Variants in TANGO2 observed in about 807,000 individuals in gnomAD.
The protein encoded by TANGO2 is transport and Golgi organization protein 2 homolog.
A neutral mutation model predicts 39.1 loss-of-function variants in TANGO2; 26 were observed. The ratio of observed to expected loss-of-function variants is 0.67; its 90% CI spans 0.49 to 0.92. The LOEUF is 0.92. TANGO2 is among the 40% of genes least tolerant of loss of function. The pLI, the probability that TANGO2 is intolerant of heterozygous loss-of-function variation, is 0.00. For missense variants in TANGO2, 326 were observed against 360.1 expected (o/e 0.91, Z 0.77); for synonymous variants, 131 against 144.5 (o/e 0.91, Z 0.67).
intron 1 of TANGO2, among the ~76,000 whole-genome samples, chr22:20,034,610 T>TA (rs2042500262): frequency 6.6e-6 from 1 of 152,126 alleles, no homozygotes; most frequent in Non-Finnish European, 1.5e-5. Context: ...TCCCTTCACT[T>TA]ATGTGCAATG....
chr22:20,023,663 G>A, intron 1 of TANGO2, among the ~76,000 whole-genome samples: 1 of 150,486 alleles, frequency 6.6e-6, no homozygotes, highest in East Asian at 2.0e-4. Context: ...GACCATCCTG[G>A]CTAACACGGT....
At chr22:20,025,799 G>A (rs771023005) in intron 1 of TANGO2, among the ~76,000 whole-genome samples, 1 of 152,328 alleles carries the variant, frequency 6.6e-6, no homozygotes, top group East Asian at 1.9e-4. Context: ...TGGTGAGCAG[G>A]AGTTGGGGCA....
At chr22:20,041,294 C>T (rs1396673665) in intron 2 of TANGO2, among the ~76,000 whole-genome samples, 1 of 151,600 alleles carries the variant, frequency 6.6e-6, no homozygotes, top group Non-Finnish European at 1.5e-5. Flanking sequence ...TACAGGCGCC[C>T]GCCACCACAC....
intron 2 of TANGO2, among the ~76,000 whole-genome samples, chr22:20,041,295 G>A (rs1002306368): frequency 2.6e-5 from 4 of 151,078 alleles, no homozygotes; most frequent in South Asian, 2.1e-4. Context: ...ACAGGCGCCC[G>A]CCACCACACC....
intron 6 of TANGO2, chr22:20,056,491 G>A (rs991727664): frequency 8.7e-6 from 4 of 457,368 alleles, no homozygotes; most frequent in Non-Finnish European, 1.8e-5. Flanking sequence ...AGGGCCTCGA[G>A]CCCCTCTGCG....
intron 5 of TANGO2, 63 bp from the exon 6 acceptor site, chr22:20,055,880 C>A: frequency 7.2e-7 from 1 of 1,395,378 alleles, no homozygotes; most frequent in Non-Finnish European, 1.0e-6. Flanking sequence ...GTGAGATCAC[C>A]GGGCAGTGTC....
In TANGO2 at chr22:20,052,373, G is replaced by T. The variant is rs948389415; in HGVS notation, c.146-92G>T. 2.6e-6 allele frequency: 4 copies of T among 1,520,694 alleles called. No homozygotes were observed. The African/African-American group carries it at 5.5e-5, about 21-fold the overall frequency. 94.2% of individuals were successfully genotyped at this position (1,520,694 alleles called of 1,614,324 possible). Reference sequence around the variant, plus strand: ...CGTCCTCGAGGAGCTTGAGGCAGGAGCTGGGCCGAGTATGCGTCTCCCAGG... The same window carrying T: ...CGTCCTCGAGGAGCTTGAGGCAGGATCTGGGCCGAGTATGCGTCTCCCAGG... On this transcript the variant is annotated intron_variant, in intron 3 of 8. Coordinates refer to ENST00000327374, the MANE Select transcript of TANGO2 (RefSeq NM_152906.7).
chr22:20,062,555 C>T (rs1209419712), intron 7 of TANGO2, among the ~76,000 whole-genome samples: 1 of 152,264 alleles, frequency 6.6e-6, no homozygotes, highest in Admixed American at 6.5e-5. Flanking sequence ...CCTGGGCATG[C>T]CCAGCAGCCC....
chr22:20,064,644 G>A lies in TANGO2; in HGVS notation c.813G>A (p.Glu271=), dbSNP rs1187756657. Residue 271 remains glutamate (E), a synonymous_variant, in exon 9 of 9, where the codon GAG becomes GAA. Coordinates refer to ENST00000327374, the MANE Select transcript of TANGO2 (RefSeq NM_152906.7). ...CCCACTGGGAGACCAGAACCTATGA[G>A]TTCACACTGCAGAGCTAACCCCACC... is the stretch of plus-strand genomic sequence containing the variant. ...DLSHWETRTY[E]FTLQS 1 of 1,614,174 alleles carries A rather than the reference G, an allele frequency of 6.2e-7. No homozygotes were observed. Among genetic ancestry groups the A allele is most frequent in the Non-Finnish European group, 8.5e-7 (1 of 1,180,010 alleles).
intron 1 of TANGO2, among the ~76,000 whole-genome samples, chr22:20,035,320 C>T (rs2042645941): frequency 6.6e-6 from 1 of 152,276 alleles, no homozygotes; most frequent in Non-Finnish European, 1.5e-5. Flanking sequence ...TCACCTCCGT[C>T]CCCACTCATT....
intron 3 of TANGO2, among the ~76,000 whole-genome samples, chr22:20,051,517 G>A (rs1418288028): frequency 6.6e-6 from 1 of 151,848 alleles, no homozygotes; most frequent in Non-Finnish European, 1.5e-5. Context: ...GGCAACAAGA[G>A]CGAAACTCTG....
chr22:20,057,022 G>GC lies in TANGO2; in HGVS notation c.451+1012dup. On this transcript the variant is annotated intron_variant, in intron 6 of 8. Transcript: ENST00000327374. The surrounding 1 kb of genome is among the most constrained non-coding windows in gnomAD (Gnocchi z 4.1). ...ACCCCTGGCTCCTCTGAAGCTCCAT[G>GC]CCCACGTCACACAGACTTTCTTTTG... 2.2e-6 allele frequency: 1 copy of GC among 449,644 alleles called. No individual in the cohort carries two copies. The highest frequency in any genetic ancestry group is 4.5e-6 in the Non-Finnish European group (1 of 223,478). 27.9% of individuals were successfully genotyped at this position (449,644 alleles called of 1,614,324 possible). A position where few individuals can be genotyped will look rare whatever the true frequency, so the allele number is the denominator to read the frequency against.
intron 4 of TANGO2, 46 bp from the exon 5 acceptor site, chr22:20,053,391 G>T: frequency 7.3e-7 from 1 of 1,364,998 alleles, no homozygotes; most frequent in Non-Finnish European, 1.0e-6. Context: ...TGGGAGAAGA[G>T]CACATGCCTG....
At chr22:20,021,456 T>C (rs1469837254) in intron 1 of TANGO2, among the ~76,000 whole-genome samples, 1 of 152,194 alleles carries the variant, frequency 6.6e-6, no homozygotes, top group East Asian at 1.9e-4. Context: ...GCGGGGAGGC[T>C]GAGATCGGCA....
Position 20,052,555 on chromosome 22 carries a change from C to A in TANGO2, c.236C>A (p.Pro79Gln). The stretch of plus-strand genomic sequence containing the variant: ...GCAGCACTCACCAACTACCTGCAGC[C>A]GCAGCTGGACTGGCAGGCCCGAGGG... ...KLAALTNYLQPQLDWQARGRG... is the reference protein window; with the variant it reads ...KLAALTNYLQQQLDWQARGRG... Residue 79 changes from proline to glutamine, a missense_variant, in exon 4 of 9, where the codon CCG becomes CAG. Physicochemically the swap from Pro to Gln is moderately conservative, Grantham distance 76. Transcript: ENST00000327374. 1.3e-6 allele frequency: 2 copies of A among 1,593,340 alleles called. No homozygotes were observed. The highest frequency in any genetic ancestry group is 2.3e-5 in the East Asian group (1 of 43,996).
intron 2 of TANGO2, among the ~76,000 whole-genome samples, chr22:20,040,240 C>T (rs1389917470): frequency 6.6e-6 from 1 of 152,186 alleles, no homozygotes; most frequent in Non-Finnish European, 1.5e-5. Flanking sequence ...AATTAATGTT[C>T]CTGAGTTATT....
rs142549904 is a variant in TANGO2, at chr22:20,060,243, G to A, written c.452-1287G>A. On this transcript the variant is annotated intron_variant, in intron 6 of 8. Coordinates refer to ENST00000327374, the MANE Select transcript of TANGO2 (RefSeq NM_152906.7). The stretch of plus-strand genomic sequence containing the variant: ...GGGTGCCTGTAGTCCCAGCTACGTG[G>A]GAGGCTGAGACAGGAGAATGGCGTG... Among the ~76,000 whole-genome samples the A allele has an allele frequency of 8.0e-3, 1,216 of 151,822 alleles. 20 individuals carry two copies. The highest frequency in any genetic ancestry group is 0.028 in the African/African-American group (1,147 of 41,388).
chr22:20,059,352 C>T (rs1325004358), intron 6 of TANGO2, among the ~76,000 whole-genome samples: 1 of 152,200 alleles, frequency 6.6e-6, no homozygotes, highest in Non-Finnish European at 1.5e-5. Context: ...AGTGTGACCT[C>T]ACAGCATTTG....
intron 1 of TANGO2, 72 bp from the exon 2 acceptor site, chr22:20,036,688 C>A: frequency 7.7e-7 from 1 of 1,301,894 alleles, no homozygotes; most frequent in South Asian, 1.2e-5. Context: ...TCTGTTCTGG[C>A]CTGTTGCAGG....
Sources: allele counts gnomAD v4.1 joint callset (sites outside exome capture counted in the v4.1 genomes callset), GRCh38; gene constraint gnomAD v4.1.1; non-coding constraint Gnocchi (gnomAD v3.1); transcripts MANE v1.5; gene names NCBI Gene and HGNC (gene_info 2026-07-23, HGNC 2026-07-21).